The following OS9 variants were observed in gnomAD, a reference collection of about 807,000 sequenced individuals.
OS9 encodes OS9 endoplasmic reticulum lectin, also known as protein OS-9.
A neutral mutation model predicts 84.7 loss-of-function variants in OS9; 58 were observed. That is an observed-to-expected ratio of 0.68 (90% CI 0.55 to 0.85). The LOEUF (loss-of-function observed/expected upper bound fraction) is 0.85. Ranked by LOEUF, OS9 falls within the 40% of genes least tolerant of loss-of-function variation. The probability of loss-of-function intolerance (pLI) is 0.00; values close to 1 mark genes in which losing one functional copy is unlikely to be tolerated. For missense variants in OS9, 760 were observed against 850.9 expected, an observed-to-expected ratio of 0.89 and a Z score of 1.33; for synonymous variants, 278 against 320.8, an observed-to-expected ratio of 0.87 and a Z score of 1.43.
chr12:57,694,571 G>A (rs1953767980), intron 1 of OS9, 179 bp from the exon 2 acceptor site: 2 of 722,458 alleles, frequency 2.8e-6, no homozygotes, highest in Non-Finnish European at 4.6e-6. Context: ...CCCGGACTCC[G>A]CCCCCGTGGA....
intron 1 of OS9, 21 bp from the exon 2 acceptor site, chr12:57,694,729 C>T: frequency 6.2e-7 from 1 of 1,612,508 alleles, no homozygotes; most frequent in Middle Eastern, 1.9e-4. Context: ...CCTTGCCCCC[C>T]GACCCTCCCT....
intron 9 of OS9, among the ~76,000 whole-genome samples, chr12:57,717,279 G>A (rs948981595): frequency 2.6e-5 from 4 of 152,170 alleles, no homozygotes; most frequent in Non-Finnish European, 4.4e-5. Flanking sequence ...CTCTGCAGGC[G>A]AATATTTGCC....
intron 5 of OS9, among the ~76,000 whole-genome samples, chr12:57,711,774 T>C (rs1595054832): frequency 6.6e-6 from 1 of 152,326 alleles, no homozygotes; most frequent in African/African-American, 2.4e-5. Flanking sequence ...ATTGTACATA[T>C]ATGCATGTGT....
intron 1 of OS9, 24 bp downstream of exon 1, chr12:57,694,347 G>T: frequency 6.2e-7 from 1 of 1,613,100 alleles, no homozygotes; most frequent in Non-Finnish European, 8.5e-7. Flanking sequence ...AAGGGGCGAG[G>T]GTCTGGGCAG....
In OS9 at chr12:57,694,575, C is replaced by G; in HGVS notation, c.163-175C>G. The stretch of plus-strand genomic sequence containing the variant: ...TGATCGAAACACCCGGACTCCGCCC[C>G]CGTGGAGAAATGGGAGCGCCCTCTC... On this transcript the variant is annotated intron_variant, in intron 1 of 14. Transcript: ENST00000315970. The G allele has an allele frequency of 5.5e-6, 4 of 732,814 alleles. No individual in the cohort carries two copies. In the South Asian group the frequency reaches 7.0e-5, roughly 13 times the overall value. 45.4% of individuals were successfully genotyped at this position (732,814 alleles called of 1,614,324 possible).
At chr12:57,705,783 A>G (rs1381828453) in intron 5 of OS9, among the ~76,000 whole-genome samples, 6 of 152,108 alleles carry the variant, frequency 3.9e-5, no homozygotes, top group Admixed American at 3.9e-4. Flanking sequence ...TCGGCCTACT[A>G]AAGTGCTGGG....
intron 11 of OS9, 140 bp from the exon 12 acceptor site, chr12:57,718,853 C>T (rs557202067): frequency 4.1e-5 from 27 of 659,936 alleles, no homozygotes; most frequent in South Asian, 9.7e-5. Flanking sequence ...TGCAGTGAGC[C>T]GAGACGGCAC....
At chr12:57,701,426 C>G (rs1042253230) in intron 5 of OS9, among the ~76,000 whole-genome samples, 3 of 151,892 alleles carry the variant, frequency 2.0e-5, no homozygotes, top group Non-Finnish European at 4.4e-5. Flanking sequence ...TAGGTGCCCA[C>G]CACCACGCCC....
chr12:57,718,002 T>C (rs767968004), intron 10 of OS9, 44 bp downstream of exon 10: 1 of 1,560,822 alleles, frequency 6.4e-7, no homozygotes, highest in South Asian at 1.2e-5. Context: ...ACCTCCCAAC[T>C]GCGAGCATTT....
At position 57,697,924 on chromosome 12, in the gene OS9, T is replaced by C. The variant is rs9788043; in HGVS notation, c.579+1551T>C. Among the ~76,000 whole-genome samples, 522 of 91,476 alleles carry C rather than the reference T, an allele frequency of 5.7e-3. 8 individuals are homozygous for C. The highest frequency in any genetic ancestry group is 0.01 in the African/African-American group (261 of 25,290). 60.0% of individuals were successfully genotyped at this position (91,476 alleles called of 152,430 possible). On this transcript the variant is annotated intron_variant, in intron 5 of 14. Coordinates refer to ENST00000315970, the MANE Select transcript of OS9 (RefSeq NM_006812.4). ...ACATAAGCAAACACACACACACACATACACACACACACACACACACACACA... is the reference window on the plus strand; with the variant it reads ...ACATAAGCAAACACACACACACACACACACACACACACACACACACACACA...
At chr12:57,701,873 T>C (rs1252212246) in intron 5 of OS9, among the ~76,000 whole-genome samples, 6 of 152,156 alleles carry the variant, frequency 3.9e-5, no homozygotes, top group Non-Finnish European at 5.9e-5. Flanking sequence ...CTTGGCTCAC[T>C]GCAACCTCCG....
At chr12:57,702,469 C>T (rs552480093) in intron 5 of OS9, among the ~76,000 whole-genome samples, 1 of 152,260 alleles carries the variant, frequency 6.6e-6, no homozygotes, top group African/African-American at 2.4e-5. Flanking sequence ...ATTTTGTTTA[C>T]CTATTTATCA....
At chr12:57,699,290 A>T (rs1010807023) in intron 5 of OS9, among the ~76,000 whole-genome samples, 1 of 152,196 alleles carries the variant, frequency 6.6e-6, no homozygotes, top group Non-Finnish European at 1.5e-5. Context: ...CAGCAGAGAG[A>T]TCTGAATTGA....
chr12:57,713,902 G>A (rs1954404544), intron 5 of OS9, among the ~76,000 whole-genome samples: 1 of 151,816 alleles, frequency 6.6e-6, no homozygotes, highest in South Asian at 2.1e-4. Flanking sequence ...GATTGCTTGA[G>A]CCCTGGAAAG....
At chr12:57,712,792 C>T (rs1318023749) in intron 5 of OS9, among the ~76,000 whole-genome samples, 1 of 151,856 alleles carries the variant, frequency 6.6e-6, no homozygotes, top group Non-Finnish European at 1.5e-5. Context: ...CATGAAGCCT[C>T]TAGTGTCTCT....
At position 57,696,034 on chromosome 12, in the gene OS9, C is replaced by T; in HGVS notation, c.476C>T (p.Ala159Val). 6.2e-7 allele frequency: 1 copy of T among 1,610,228 alleles called. No homozygotes were observed. Among genetic ancestry groups the T allele is most frequent in the Non-Finnish European group, 8.5e-7 (1 of 1,176,480 alleles). Residue 159 changes from alanine (A) to valine (V), a missense_variant, in exon 4 of 15, where the codon GCC becomes GTC. Transcript: ENST00000315970. ...GCCTTCGACTGGGATGATGAAACAG[C>T]CAAGGTGGCAAGAGTGTGGGATTCA... is the stretch of plus-strand genomic sequence containing the variant. ...QSAFDWDDETAKASKQHRLKR... is the reference protein window; with the variant it reads ...QSAFDWDDETVKASKQHRLKR...
At chr12:57,713,995 A>G (rs1954407422) in intron 5 of OS9, among the ~76,000 whole-genome samples, 1 of 151,886 alleles carries the variant, frequency 6.6e-6, no homozygotes, top group East Asian at 1.9e-4. Context: ...CTGTAGTCCT[A>G]CCTTGGGAGG....
intron 5 of OS9, among the ~76,000 whole-genome samples, chr12:57,704,136 C>T (rs1384911426): frequency 6.6e-6 from 1 of 152,200 alleles, no homozygotes; most frequent in Non-Finnish European, 1.5e-5. Flanking sequence ...ACCATCCTTG[C>T]ATTCTTGGAG....
rs752400464 is a variant in OS9 at position 57,718,342 on chromosome 12, T to G, written c.1331T>G (p.Leu444Arg). 3.0e-5 allele frequency: 49 copies of G among 1,614,214 alleles called. No homozygotes were observed. Among genetic ancestry groups the G allele is most frequent in the Non-Finnish European group, 4.2e-5 (49 of 1,180,032 alleles). The change falls in exon 11 of 15, where the codon CTG becomes CGG. Residue 444 changes from leucine (L) to arginine (R), a missense_variant. Coordinates refer to ENST00000315970, the MANE Select transcript of OS9 (RefSeq NM_006812.4). The stretch of plus-strand genomic sequence containing the variant: ...TTTGAGAAGGAACTGGAAGGGATCC[T>G]GCTTCCGTCAGACCGAGACCGGCTC... ...GEFEKELEGI[L>R]LPSDRDRLRS...
Sources: allele counts gnomAD v4.1 joint callset (sites outside exome capture counted in the v4.1 genomes callset), GRCh38; gene constraint gnomAD v4.1.1; transcripts MANE v1.5; gene names NCBI Gene and HGNC (gene_info 2026-07-23, HGNC 2026-07-21).